TYRO3: variants seen among roughly 807,000 people sequenced by gnomAD.
TYRO3 encodes the protein tyrosine-protein kinase receptor TYRO3.
In TYRO3, 38 loss-of-function variants were observed where a neutral mutation model predicts 95.2. The ratio of observed to expected loss-of-function variants is 0.40; its 90% CI spans 0.31 to 0.52. The LOEUF (loss-of-function observed/expected upper bound fraction) is 0.52. Among genes scored for constraint, TYRO3 ranks in the 20% least tolerant of loss-of-function variants. TYRO3 has a pLI of 0.56. For missense variants in TYRO3, 812 were observed against 1,116.4 expected (o/e 0.73, Z 3.89); for synonymous variants, 367 against 432.9 (o/e 0.85, Z 1.89).
Position 41,578,314 on chromosome 15 carries a change from C to T in TYRO3, c.*38C>T. 6.2e-7 allele frequency: 1 copy of T among 1,610,758 alleles called. No homozygotes were observed. The highest frequency in any genetic ancestry group is 1.1e-5 in the South Asian group (1 of 90,568). On this transcript the variant is annotated 3_prime_UTR_variant, in exon 19 of 19. Coordinates refer to ENST00000263798, the MANE Select transcript of TYRO3 (RefSeq NM_006293.4). Reference sequence around the variant, plus strand: ...GGGCATCGGGGCCATTTGGCCGGCTCTGGTGGCCACTGAGCTGGCTGACTA... The same window carrying T: ...GGGCATCGGGGCCATTTGGCCGGCTTTGGTGGCCACTGAGCTGGCTGACTA...
rs956833698 is a variant in TYRO3, at chr15:41,583,494, A to G, written c.*5218A>G. The stretch of plus-strand genomic sequence containing the variant: ...CTCATTGATCTATCTAAACTCCCAT[A>G]TCTATTTTGGTTGCTAGACTGTTCA... On this transcript the variant is annotated 3_prime_UTR_variant, in exon 19 of 19. Transcript: ENST00000263798. 3 of 152,060 alleles carry G rather than the reference A, an allele frequency of 2.0e-5. No homozygotes were observed. Among genetic ancestry groups the G allele is most frequent in the Non-Finnish European group, 2.9e-5 (2 of 68,024 alleles). 9.4% of individuals were successfully genotyped at this position (152,060 alleles called of 1,614,324 possible). A position where few individuals can be genotyped will look rare whatever the true frequency, so the allele number is the denominator to read the frequency against.
Position 41,580,722 on chromosome 15 carries a change from C to T in TYRO3, c.*2446C>T, listed in dbSNP as rs1174880348. On this transcript the variant is annotated 3_prime_UTR_variant, in exon 19 of 19. Coordinates refer to ENST00000263798, the MANE Select transcript of TYRO3 (RefSeq NM_006293.4). ...CTCGGCTCACTGTAACCTCTGTCTC[C>T]CAGGTTTAATCAAGTCTCTTGTCTT... is the stretch of plus-strand genomic sequence containing the variant. 1 of 150,988 alleles carries T rather than the reference C, an allele frequency of 6.6e-6. No homozygotes were observed. The highest frequency in any genetic ancestry group is 6.6e-5 in the Admixed American group (1 of 15,182). The allele number at this position is 150,988 out of a possible 1,614,324, so 9.4% of individuals were successfully genotyped here.
Position 41,570,683 on chromosome 15 carries a change from C to A in TYRO3, c.1563C>A (p.Gly521=). Residue 521 remains glycine, a synonymous_variant, in exon 12 of 19, where the codon GGC becomes GGA. Transcript: ENST00000263798. Reference sequence around the variant, plus strand: ...TCCCAGAGCAGCAGTTCACCCTGGGCCGGATGTTGGGCAAAGGTATGTGAG... The same window carrying A: ...TCCCAGAGCAGCAGTTCACCCTGGGACGGATGTTGGGCAAAGGTATGTGAG... The part of the protein sequence containing the change: ...VLIPEQQFTL[G]RMLGKGEFGS... 1 of 1,614,162 alleles carries A rather than the reference C, an allele frequency of 6.2e-7. No homozygotes were observed. Among genetic ancestry groups the A allele is most frequent in the Non-Finnish European group, 8.5e-7 (1 of 1,180,034 alleles).
At chr15:41,575,510 C>T (rs1453463550) in intron 18 of TYRO3, among the ~76,000 whole-genome samples, 1 of 152,242 alleles carries the variant, frequency 6.6e-6, no homozygotes, top group African/African-American at 2.4e-5. Flanking sequence ...GCCTTGAGGA[C>T]GTGTCCCAGT....
chr15:41,572,615 G>A, intron 15 of TYRO3, 51 bp downstream of exon 15: 2 of 1,407,330 alleles, frequency 1.4e-6, no homozygotes, highest in Non-Finnish European at 1.9e-6. Flanking sequence ...GGAACACAGG[G>A]CCTGGAAAGG....
At position 41,578,151 on chromosome 15, in the gene TYRO3, A is replaced by G. The variant is rs780225681; in HGVS notation, c.2548A>G (p.Ile850Val). The change falls in exon 19 of 19, where the codon ATA becomes GTA. Residue 850 changes from isoleucine to valine, a missense_variant. Physicochemically the swap from Ile to Val is conservative, Grantham distance 29 (BLOSUM62 3). Transcript: ENST00000263798. ...VGGTPSDCRY[I>V]LTPGGLAEQP... is the part of the protein sequence containing the mutation. The stretch of plus-strand genomic sequence containing the variant: ...TGGCACTCCCAGTGACTGTCGGTAC[A>G]TACTCACCCCCGGAGGGCTGGCTGA... 1 of 1,613,930 alleles carries G rather than the reference A, an allele frequency of 6.2e-7. No homozygotes were observed.
Position 41,570,166 on chromosome 15 carries a change from T to C in TYRO3, c.1382+10T>C. 1 of 994,724 alleles carries C rather than the reference T, an allele frequency of 1.0e-6. No homozygotes were observed. Among genetic ancestry groups the C allele is most frequent in the Non-Finnish European group, 1.5e-6 (1 of 656,236 alleles). 61.6% of individuals were successfully genotyped at this position (994,724 alleles called of 1,614,324 possible). On this transcript the variant is annotated intron_variant, in intron 10 of 18. Coordinates refer to ENST00000263798, the MANE Select transcript of TYRO3 (RefSeq NM_006293.4). The stretch of plus-strand genomic sequence containing the variant: ...AAGAGACGCGGTTTGGGTAAGGGGA[T>C]GGGGATGTGGAGGGAGAGGCAGGTA...
intron 16 of TYRO3, 34 bp from the exon 17 acceptor site, chr15:41,573,274 G>C: frequency 6.8e-7 from 1 of 1,460,000 alleles, no homozygotes; most frequent in South Asian, 1.2e-5. Context: ...GAGCATGGCA[G>C]AAGGCTGACT....
chr15:41,570,643 T>C lies in TYRO3; in HGVS notation c.1523T>C (p.Leu508Pro). Residue 508 changes from leucine (L) to proline (P), a missense_variant, in exon 12 of 19, where the codon CTG becomes CCG. Leu to Pro is a moderately conservative substitution (Grantham distance 98, BLOSUM62 -3). Transcript: ENST00000263798. ...ATCAGCGATGAACTAAAGGAAAAACTGGAGGATGTGCTCATCCCAGAGCAG... is the reference window on the plus strand; with the variant it reads ...ATCAGCGATGAACTAAAGGAAAAACCGGAGGATGTGCTCATCCCAGAGCAG... ...LGISDELKEK[L>P]EDVLIPEQQF... is the part of the protein sequence containing the mutation. 15 of 1,614,062 alleles carry C rather than the reference T, an allele frequency of 9.3e-6. No homozygotes were observed. The highest frequency in any genetic ancestry group is 1.3e-5 in the Non-Finnish European group (15 of 1,180,018).
In TYRO3 at chr15:41,577,711, T is replaced by C. The variant is rs557591433; in HGVS notation, c.2283-175T>C. ...CATATTGCCCAGGCTGGTCTCGAAC[T>C]CCTGGGCTCAAATAATACCCCCCTT... is the stretch of plus-strand genomic sequence containing the variant. On this transcript the variant is annotated intron_variant, in intron 18 of 18. Coordinates refer to ENST00000263798, the MANE Select transcript of TYRO3 (RefSeq NM_006293.4). 1.3e-3 allele frequency: 822 copies of C among 614,614 alleles called. 2 individuals are homozygous for C. The highest frequency in any genetic ancestry group is 1.7e-3 in the Non-Finnish European group (621 of 360,866). The allele number at this position is 614,614 out of a possible 1,614,324, so 38.1% of individuals were successfully genotyped here.
At position 41,572,524 on chromosome 15, in the gene TYRO3, A is replaced by G. The variant is rs768074892; in HGVS notation, c.1835A>G (p.His612Arg). Residue 612 changes from histidine to arginine, a missense_variant, in exon 15 of 19, where the codon CAT (histidine) becomes CGT (arginine). Physicochemically the swap from His to Arg is conservative, Grantham distance 29. Transcript: ENST00000263798. Reference sequence around the variant, plus strand: ...CCCTTCATGAAGCATGGGGACCTGCATGCCTTCCTGCTCGCCTCCCGGATT... The same window carrying G: ...CCCTTCATGAAGCATGGGGACCTGCGTGCCTTCCTGCTCGCCTCCCGGATT... ...ILPFMKHGDLHAFLLASRIGE... is the reference protein window; with the variant it reads ...ILPFMKHGDLRAFLLASRIGE... 1.2e-6 allele frequency: 2 copies of G among 1,614,074 alleles called. No homozygotes were observed. Among genetic ancestry groups the G allele is most frequent in the African/African-American group, 2.7e-5 (2 of 74,922 alleles).
intron 2 of TYRO3, 37 bp downstream of exon 2, chr15:41,561,347 AG>A: frequency 1.4e-6 from 2 of 1,399,382 alleles, no homozygotes; most frequent in Non-Finnish European, 1.9e-6. Flanking sequence ...GCTGCCAGCC[AG>A]GGGGCAGGCT....
At position 41,583,566 on chromosome 15, in the gene TYRO3, AT is replaced by A. The variant is rs1489657301; in HGVS notation, c.*5291del. 6.6e-6 allele frequency: 1 copy of A among 152,222 alleles called. No individual in the cohort carries two copies. The highest frequency in any genetic ancestry group is 1.5e-5 in the Non-Finnish European group (1 of 68,044). The allele number at this position is 152,222 out of a possible 1,614,324, so 9.4% of individuals were successfully genotyped here. A position where few individuals can be genotyped will look rare whatever the true frequency, so the allele number is the denominator to read the frequency against. On this transcript the variant is annotated 3_prime_UTR_variant, in exon 19 of 19. Transcript: ENST00000263798. ...TCACTGCTACACTAATTGAATTACT[AT>A]AAATGTATAATGTTTTCCTATATGT...
chr15:41,572,638 G>C lies in TYRO3; in HGVS notation c.1875+74G>C, dbSNP rs540894197. On this transcript the variant is annotated intron_variant, in intron 15 of 18. Transcript: ENST00000263798. Reference sequence around the variant, plus strand: ...GGGCCTGGAAAGGCATAGAGACCCTGGCAGAGAGGGGCTTGCTGGGTAGGG... The same window carrying C: ...GGGCCTGGAAAGGCATAGAGACCCTCGCAGAGAGGGGCTTGCTGGGTAGGG... 1.3e-5 allele frequency: 18 copies of C among 1,420,128 alleles called. No individual in the cohort carries two copies. In the East Asian group the frequency reaches 2.8e-4, roughly 22 times the overall value. The allele number at this position is 1,420,128 out of a possible 1,614,324, so 88.0% of individuals were successfully genotyped here.
intron 3 of TYRO3, chr15:41,562,331 CAAAAAAAAAAA>C (rs11363130): frequency 1.1e-4 from 19 of 171,908 alleles, no homozygotes; most frequent in African/African-American, 6.4e-4. Context: ...CGACCAATCT[CAAAAAAAAAAA>C]AAAAAAAAAA....
intron 9 of TYRO3, 48 bp from the exon 10 acceptor site, chr15:41,569,979 A>G (rs761520881): frequency 6.3e-7 from 1 of 1,589,802 alleles, no homozygotes. Flanking sequence ...TTCTGAAGGG[A>G]CCTCATGGTG....
At chr15:41,566,518 T>A (rs2055727117) in intron 6 of TYRO3, among the ~76,000 whole-genome samples, 1 of 151,998 alleles carries the variant, frequency 6.6e-6, no homozygotes, top group Admixed American at 6.6e-5. Context: ...GCTTCTGGGG[T>A]CTGTGTGGGC....
rs1388976112 is a variant in TYRO3, at chr15:41,579,873, T to G, written c.*1597T>G. 2.6e-5 allele frequency: 4 copies of G among 151,630 alleles called. No individual in the cohort carries two copies. The highest frequency in any genetic ancestry group is 5.9e-5 in the Non-Finnish European group (4 of 67,998). The allele number at this position is 151,630 out of a possible 1,614,324, so 9.4% of individuals were successfully genotyped here. On this transcript the variant is annotated 3_prime_UTR_variant, in exon 19 of 19. Transcript: ENST00000263798. ...CCCAGGTTCACGCCATTCTCCTGCC[T>G]CAGCCTCCCGAGTAGCTGGGACTAC... is the stretch of plus-strand genomic sequence containing the variant.
rs757149099 is a variant in TYRO3 at position 41,577,951 on chromosome 15, G to C, written c.2348G>C (p.Arg783Pro). The part of the protein sequence containing the change: ...PKQRPSFTCL[R>P]MELENILGQL... ...CAGCGCCCGAGCTTTACTTGTCTGCGAATGGAACTGGAGAACATCTTGGGC... is the reference window on the plus strand; with the variant it reads ...CAGCGCCCGAGCTTTACTTGTCTGCCAATGGAACTGGAGAACATCTTGGGC... Residue 783 changes from arginine (R) to proline (P), a missense_variant, in exon 19 of 19, where the codon CGA becomes CCA. Coordinates refer to ENST00000263798, the MANE Select transcript of TYRO3 (RefSeq NM_006293.4). 1 of 1,613,626 alleles carries C rather than the reference G, an allele frequency of 6.2e-7. No individual in the cohort carries two copies. Among genetic ancestry groups the C allele is most frequent in the East Asian group, 2.2e-5 (1 of 44,878 alleles).
Sources: allele counts gnomAD v4.1 joint callset (sites outside exome capture counted in the v4.1 genomes callset), GRCh38; gene constraint gnomAD v4.1.1; transcripts MANE v1.5; gene names NCBI Gene and HGNC (gene_info 2026-07-23, HGNC 2026-07-21).